The following MID1 variants were observed in gnomAD, a reference collection of about 807,000 sequenced individuals.
The protein encoded by MID1 is midline 1.
Under a neutral mutation model 40.4 loss-of-function variants are expected in MID1, and 7 were observed. That is an observed-to-expected ratio of 0.17 (90% CI 0.10 to 0.33). MID1 has a LOEUF of 0.33. MID1 is among the 10% of genes least tolerant of loss of function. The probability of loss-of-function intolerance (pLI) is 1.00; values close to 1 mark genes in which losing one functional copy is unlikely to be tolerated. For synonymous variants in MID1, 229 were observed against 221.2 expected (o/e 1.04, Z -0.31); for missense variants, 367 against 558.5 (o/e 0.66, Z 3.46).
chrX:10,657,950 A>T (rs768033859), intron 1 of MID1, among the ~76,000 whole-genome samples: 4 of 111,937 alleles, frequency 3.6e-5, no homozygotes, highest in Non-Finnish European at 7.5e-5. Flanking sequence ...TTTTACAGAG[A>T]TTCTGTGTGG....
At chrX:10,619,705 C>G (rs1001954419) in intron 1 of MID1, among the ~76,000 whole-genome samples, 3 of 112,580 alleles carry the variant, frequency 2.7e-5, no homozygotes, top group African/African-American at 9.7e-5. Context: ...CCGCTCACTA[C>G]TTTCAGGGCT....
intron 1 of MID1, among the ~76,000 whole-genome samples, chrX:10,755,485 G>A (rs1389694066): frequency 2.7e-5 from 3 of 111,609 alleles, no homozygotes; most frequent in African/African-American, 6.5e-5. Flanking sequence ...GTCATTCCTC[G>A]AGAAGCATAA....
intron 5 of MID1, among the ~76,000 whole-genome samples, chrX:10,480,958 A>C (rs953385443): frequency 5.3e-5 from 6 of 112,322 alleles, no homozygotes; most frequent in African/African-American, 1.9e-4. Context: ...ACAAGCAAGC[A>C]CTCAATAAAT....
At chrX:10,663,905 T>C (rs5978412) in intron 1 of MID1, among the ~76,000 whole-genome samples, 12,630 of 111,183 alleles carry the variant, frequency 0.11, 1,270 homozygotes, top group African/African-American at 0.32. Flanking sequence ...ATGGTCCTGT[T>C]GATGCTAACA....
intron 6 of MID1, among the ~76,000 whole-genome samples, chrX:10,471,534 T>C (rs1929706862): frequency 8.9e-6 from 1 of 112,239 alleles, no homozygotes; most frequent in Non-Finnish European, 1.9e-5. Flanking sequence ...GAATATGTAT[T>C]TGTACATCTG....
intron 1 of MID1, among the ~76,000 whole-genome samples, chrX:10,692,202 C>A (rs1569148075): frequency 9.0e-6 from 1 of 111,234 alleles, no homozygotes; most frequent in Non-Finnish European, 1.9e-5. Flanking sequence ...TCGTACACCC[C>A]CTCCCCTTTC....
In MID1 at chrX:10,470,618, T is replaced by A. The variant is rs73492945; in HGVS notation, c.1142-778A>T. ...ATATTTCAAATTCAGAAGACCATGA[T>A]TCATAGTCAATCATATCTAAAAGGT... On this transcript the variant is annotated intron_variant, in intron 6 of 9. Transcript: ENST00000317552. Among the ~76,000 whole-genome samples, 1,114 of 112,356 alleles carry A rather than the reference T, an allele frequency of 9.9e-3. 12 individuals are homozygous for A. Among genetic ancestry groups the A allele is most frequent in the African/African-American group, 0.034 (1,054 of 30,966 alleles).
chrX:10,827,394 C>G (rs967339770), intron 1 of MID1, among the ~76,000 whole-genome samples: 1 of 109,512 alleles, frequency 9.1e-6, no homozygotes, highest in South Asian at 4.1e-4. Context: ...AAGTTGCACA[C>G]CTGGTAAAAC....
At chrX:10,806,852 GA>G (rs1222653216) in intron 1 of MID1, among the ~76,000 whole-genome samples, 6 of 111,925 alleles carry the variant, frequency 5.4e-5, no homozygotes, top group Admixed American at 4.7e-4. Context: ...GCTAAAATAA[GA>G]AAGTAAAATT....
intron 2 of MID1, among the ~76,000 whole-genome samples, chrX:10,564,816 C>T (rs752945995): frequency 1.8e-5 from 2 of 110,849 alleles, no homozygotes; most frequent in African/African-American, 6.6e-5. Flanking sequence ...AAATATTGAA[C>T]ATCATTATGA....
intron 3 of MID1, among the ~76,000 whole-genome samples, chrX:10,522,127 A>T (rs1932742044): frequency 8.9e-6 from 1 of 112,303 alleles, no homozygotes; most frequent in African/African-American, 3.2e-5. Flanking sequence ...GTGAGCCACC[A>T]TGCCTGGCCT....
intron 1 of MID1, among the ~76,000 whole-genome samples, chrX:10,772,039 G>C (rs2043774273): frequency 9.0e-6 from 1 of 110,658 alleles, no homozygotes; most frequent in Non-Finnish European, 1.9e-5. Context: ...AAAGATGCTT[G>C]CACACGCATG....
intron 3 of MID1, among the ~76,000 whole-genome samples, chrX:10,520,176 G>C (rs56269762): frequency 1.8e-5 from 2 of 111,296 alleles, no homozygotes; most frequent in Non-Finnish European, 3.8e-5. Flanking sequence ...AATTGTATTC[G>C]CATTTTTTTC....
At chrX:10,739,073 G>A (rs191279448) in intron 1 of MID1, among the ~76,000 whole-genome samples, 4 of 111,539 alleles carry the variant, frequency 3.6e-5, no homozygotes, top group Non-Finnish European at 7.5e-5. Flanking sequence ...GCGATATTTT[G>A]TTAGGAGGAA....
rs6654741 is a variant in MID1, at chrX:10,509,663, G to A, written c.756+13429C>T. On this transcript the variant is annotated intron_variant, in intron 3 of 9. Coordinates refer to ENST00000317552, the MANE Select transcript of MID1 (RefSeq NM_000381.4). ...GCACTAGCATTACTGATCCTCCAGG[G>A]ATTTGTGGCTACTGAGGTTTGCTGT... Among the ~76,000 whole-genome samples the A allele has an allele frequency of 8.5e-3, 947 of 111,694 alleles. 10 individuals carry two copies. The highest frequency in any genetic ancestry group is 0.028 in the African/African-American group (870 of 30,674).
chrX:10,593,214 T>C (rs956863682), intron 1 of MID1, among the ~76,000 whole-genome samples: 1 of 112,676 alleles, frequency 8.9e-6, no homozygotes, highest in African/African-American at 3.2e-5. Context: ...CTTTTCTCAC[T>C]GCTGTTCAGT....
At chrX:10,465,504 G>A (rs922347345) in intron 7 of MID1, among the ~76,000 whole-genome samples, 1 of 110,104 alleles carries the variant, frequency 9.1e-6, no homozygotes, top group Non-Finnish European at 1.9e-5. Flanking sequence ...TGACAAAGGC[G>A]AAGGCGAAGG....
intron 1 of MID1, among the ~76,000 whole-genome samples, chrX:10,803,013 G>A (rs770802241): frequency 9.1e-6 from 1 of 110,431 alleles, no homozygotes; most frequent in South Asian, 3.9e-4. Flanking sequence ...AATAGACACC[G>A]GGTACTATTA....
intron 1 of MID1, among the ~76,000 whole-genome samples, chrX:10,772,848 T>C (rs2043779691): frequency 9.1e-6 from 1 of 110,293 alleles, no homozygotes; most frequent in Non-Finnish European, 1.9e-5. Context: ...GTAGGTGAGA[T>C]ATGTTGAATG....
Sources: gnomAD v4.1 joint callset for allele counts (sites outside exome capture counted in the v4.1 genomes callset) on GRCh38, gnomAD v4.1.1 for gene constraint, MANE v1.5 for transcripts, NCBI Gene and HGNC (gene_info 2026-07-23, HGNC 2026-07-21) for gene names.